Variants in OGFOD2 observed in about 807,000 individuals in gnomAD.
OGFOD2 encodes 2-oxoglutarate and iron-dependent oxygenase domain-containing protein 2.
In OGFOD2, 34 loss-of-function variants were observed where a neutral mutation model predicts 31.1. The ratio of observed to expected loss-of-function variants is 1.09; its 90% CI spans 0.83 to 1.45. OGFOD2 has a LOEUF of 1.45. OGFOD2 is among the 40% of genes most tolerant of loss of function. The pLI is 0.00. For missense variants in OGFOD2, 537 were observed against 433.9 expected (o/e 1.24, Z -2.11); for synonymous variants, 240 against 192.3 (o/e 1.25, Z -2.05).
At chr12:122,975,548 T>G (rs2037392673) in intron 1 of OGFOD2, 165 bp downstream of exon 1, 1 of 594,934 alleles carries the variant, frequency 1.7e-6, no homozygotes, top group Non-Finnish European at 3.0e-6. Flanking sequence ...AAAGGGGTAA[T>G]AGTATCTCCC....
exon 7 of OGFOD2, chr12:122,979,600 G>A (rs2037554398): frequency 7.5e-6 from 4 of 536,274 alleles, no homozygotes; most frequent in Non-Finnish European, 1.3e-5. Context: ...TGGCTTCAGA[G>A]GACGTCCAGC....
intron 2 of OGFOD2, 107 bp downstream of exon 2, chr12:122,975,974 T>C (rs539441022): frequency 3.6e-5 from 24 of 663,400 alleles, no homozygotes; most frequent in Non-Finnish European, 5.9e-5. Flanking sequence ...AAGGGTCACT[T>C]AGGCCCTCAC....
upstream of OGFOD2, chr12:122,975,208 C>T (rs2135949926): frequency 3.5e-6 from 2 of 567,324 alleles, no homozygotes; most frequent in Middle Eastern, 5.3e-4. Context: ...GGGGCGTGCC[C>T]GAAGTCTCTC....
chr12:122,976,632 TAAC>T lies in OGFOD2; in HGVS notation c.190-18_190-16del. 1 of 1,546,776 alleles carries T rather than the reference TAAC, an allele frequency of 6.5e-7. No individual in the cohort carries two copies. The highest frequency in any genetic ancestry group is 8.9e-7 in the Non-Finnish European group (1 of 1,119,082). On this transcript the variant is annotated intron_variant, in intron 2 of 6. Coordinates refer to ENST00000228922, the Ensembl canonical transcript of OGFOD2. Reference sequence around the variant, plus strand: ...CAGGAGGATGGGAGGCCCCACCTGGTAACAACCCTGTGCCACCCCAGCTTGAGC... The same window carrying T: ...CAGGAGGATGGGAGGCCCCACCTGGTAACCCTGTGCCACCCCAGCTTGAGC...
chr12:122,978,980 G>T (rs578085350), exon 6 of OGFOD2: 1 of 1,613,078 alleles, frequency 6.2e-7, no homozygotes, highest in African/African-American at 1.3e-5. Context: ...TCTTCACAGG[G>T]GGCGCCCTGT....
intron 1 of OGFOD2, 88 bp downstream of exon 1, chr12:122,975,471 G>A (rs1260836869): frequency 8.3e-6 from 5 of 600,808 alleles, no homozygotes; most frequent in Non-Finnish European, 1.5e-5. Flanking sequence ...TTTGCTTTGC[G>A]CACGCCGCGC....
chr12:122,976,664 A>C (rs1457637660), exon 3 of OGFOD2: 1 of 1,597,274 alleles, frequency 6.3e-7, no homozygotes, highest in South Asian at 1.1e-5. Flanking sequence ...CTTGAGCAGG[A>C]GGTGGAGCGG....
rs765620285 is a variant in OGFOD2 at position 122,979,258 on chromosome 12, G to A, written c.965G>A (p.Arg322His). 3.2e-5 allele frequency: 52 copies of A among 1,612,938 alleles called. No homozygotes were observed. The highest frequency in any genetic ancestry group is 3.7e-5 in the Non-Finnish European group (44 of 1,179,992). ...AACAGCCTCTGTCCCATGTGCTGCC[G>A]TGAGCCCGACCTGGTGGACGATGAG... The change falls in exon 7 of 7, where the codon CGT becomes CAT. Residue 322 changes from arginine (R) to histidine (H), a missense_variant. Arg to His is a conservative substitution (Grantham distance 29). Coordinates refer to ENST00000228922, the Ensembl canonical transcript of OGFOD2.
chr12:122,975,943 A>C, intron 2 of OGFOD2, 76 bp downstream of exon 2: 1 of 684,358 alleles, frequency 1.5e-6, no homozygotes, highest in Non-Finnish European at 2.7e-6. Context: ...GCTTGAGCCT[A>C]GCCTCAGTCC....
At chr12:122,976,612 G>T (rs914283187) in intron 2 of OGFOD2, 42 bp from the exon 3 acceptor site, 1 of 1,423,882 alleles carries the variant, frequency 7.0e-7, no homozygotes. Flanking sequence ...GGCCTCAGGA[G>T]GATGGGAGGC....
chr12:122,976,249 G>C (rs746712587), intron 2 of OGFOD2: 1 of 790,550 alleles, frequency 1.3e-6, no homozygotes, highest in South Asian at 1.6e-5. Context: ...CATATACCCC[G>C]CAGGCTGCTG....
At chr12:122,979,222 C>G in exon 7 of OGFOD2, 1 of 1,612,694 alleles carries the variant, frequency 6.2e-7, no homozygotes, top group South Asian at 1.1e-5. Context: ...CTCCGAGCCT[C>G]TGCTGTGCGC....
exon 6 of OGFOD2, chr12:122,978,821 G>GCTGATGGCC: frequency 6.2e-7 from 1 of 1,612,600 alleles, no homozygotes; most frequent in Non-Finnish European, 8.5e-7. Context: ...TCCTGCAGCC[G>GCTGATGGCC]CTGATGGCCC....
upstream of OGFOD2, chr12:122,974,971 G>C (rs1273375743): frequency 6.7e-6 from 2 of 297,894 alleles, no homozygotes; most frequent in Non-Finnish European, 1.2e-5. Context: ...TCCTCTCCCC[G>C]TCCTGTGAAG....
intron 4 of OGFOD2, 60 bp downstream of exon 4, chr12:122,977,030 T>G (rs781447613): frequency 2.0e-6 from 3 of 1,503,136 alleles, no homozygotes; most frequent in Middle Eastern, 1.7e-4. Flanking sequence ...GAAACCTGGG[T>G]GTGGGATGCT....
At chr12:122,976,706 G>T (rs1208760253) in exon 3 of OGFOD2, 2 of 1,613,720 alleles carry the variant, frequency 1.2e-6, no homozygotes, top group Non-Finnish European at 1.7e-6. Context: ...TCAGCAGCTA[G>T]GAAAGCCCTC....
In OGFOD2 at chr12:122,978,502, A is replaced by G. The variant is rs748029824; in HGVS notation, c.464A>G (p.Glu155Gly). 6.8e-6 allele frequency: 11 copies of G among 1,613,472 alleles called. No individual in the cohort carries two copies. In the South Asian group the frequency reaches 1.2e-4, roughly 18 times the overall value. The change falls in exon 5 of 7, where the codon GAA (glutamate) becomes GGA (glycine). Residue 155 changes from glutamate to glycine, a missense_variant. Transcript: ENST00000228922. ...GCGCCCTTCTGCCAGGCCCTGCTGG[A>G]AGAGCTGGAGCACTTCGAGCAATCG...
At chr12:122,977,030 T>C (rs781447613) in intron 4 of OGFOD2, 60 bp downstream of exon 4, 3 of 1,503,018 alleles carry the variant, frequency 2.0e-6, no homozygotes, top group Non-Finnish European at 2.8e-6. Context: ...GAAACCTGGG[T>C]GTGGGATGCT....
chr12:122,978,655 C>A, intron 5 of OGFOD2, 86 bp downstream of exon 5: 1 of 1,587,714 alleles, frequency 6.3e-7, no homozygotes, highest in Non-Finnish European at 8.6e-7. Context: ...GCTGCCTGCC[C>A]GGGCTGCGAA....
Sources: allele counts gnomAD v4.1 joint callset, GRCh38; gene constraint gnomAD v4.1.1; transcripts MANE v1.5; gene names NCBI Gene and HGNC (gene_info 2026-07-23, HGNC 2026-07-21).